The following RERG variants were observed in gnomAD, a reference collection of about 807,000 sequenced individuals.
The protein encoded by RERG is RAS like estrogen regulated growth inhibitor.
A neutral mutation model predicts 23.2 loss-of-function variants in RERG; 25 were observed. That is an observed-to-expected ratio of 1.08 (90% CI 0.79 to 1.50). RERG has a LOEUF of 1.50. RERG is among the 40% of genes most tolerant of loss of function. The pLI, the probability that RERG is intolerant of heterozygous loss-of-function variation, is 0.00. For synonymous variants in RERG, 81 were observed against 89.1 expected (o/e 0.91, Z 0.51); for missense variants, 253 against 250.1 (o/e 1.01, Z -0.08).
At chr12:15,201,020 T>G (rs1384860907) in intron 2 of RERG, among the ~76,000 whole-genome samples, 3 of 151,892 alleles carry the variant, frequency 2.0e-5, no homozygotes, top group Non-Finnish European at 4.4e-5. Flanking sequence ...CATGAAATCA[T>G]AGGCAGAATT....
chr12:15,132,228 A>C (rs1038198838), intron 2 of RERG, among the ~76,000 whole-genome samples: 1 of 152,232 alleles, frequency 6.6e-6, no homozygotes, highest in Non-Finnish European at 1.5e-5. Context: ...GAAAGAAAGT[A>C]GCACTGAAAG....
chr12:15,189,983 T>C (rs893536311), intron 2 of RERG, among the ~76,000 whole-genome samples: 4 of 152,188 alleles, frequency 2.6e-5, no homozygotes, highest in African/African-American at 9.7e-5. Context: ...TTCTAGGTAG[T>C]AGTTTACAAT....
chr12:15,116,394 G>A (rs1206100477), intron 3 of RERG, among the ~76,000 whole-genome samples: 1 of 152,144 alleles, frequency 6.6e-6, no homozygotes, highest in African/African-American at 2.4e-5. Flanking sequence ...ATTTTTCTGT[G>A]TTGCTTCCAT....
chr12:15,188,848 T>C (rs1311843874), intron 2 of RERG, among the ~76,000 whole-genome samples: 2 of 152,142 alleles, frequency 1.3e-5, no homozygotes, highest in African/African-American at 2.4e-5. Flanking sequence ...TGGCTTTCTG[T>C]TCTCTATGGG....
intron 2 of RERG, among the ~76,000 whole-genome samples, chr12:15,185,047 T>G (rs1470017228): frequency 2.0e-5 from 3 of 152,200 alleles, no homozygotes; most frequent in Non-Finnish European, 2.9e-5. Flanking sequence ...TTCATTCCTA[T>G]GCAGGCAAGA....
At chr12:15,147,448 A>G (rs1864353958) in intron 2 of RERG, among the ~76,000 whole-genome samples, 2 of 152,266 alleles carry the variant, frequency 1.3e-5, no homozygotes, top group Non-Finnish European at 2.9e-5. Context: ...AAAGATAGAG[A>G]AAAACTGGAA....
At position 15,116,920 on chromosome 12, in the gene RERG, G is replaced by A. The variant is rs149526790; in HGVS notation, c.118+4143C>T. ...AGGGTGGGGGGATGATTATTTAGGA[G>A]ATAGTTCCAAGTGAACCAAAATATA... On this transcript the variant is annotated intron_variant, in intron 3 of 4. Coordinates refer to ENST00000256953, the MANE Select transcript of RERG (RefSeq NM_032918.3). Among the ~76,000 whole-genome samples the A allele has an allele frequency of 8.9e-3, 1,361 of 152,188 alleles. 20 individuals are homozygous for A. Among genetic ancestry groups the A allele is most frequent in the African/African-American group, 0.032 (1,319 of 41,532 alleles).
At chr12:15,122,096 T>C (rs1488706350) in intron 2 of RERG, among the ~76,000 whole-genome samples, 1 of 152,036 alleles carries the variant, frequency 6.6e-6, no homozygotes, top group Non-Finnish European at 1.5e-5. Flanking sequence ...TGGATCCTTT[T>C]CCTGAAAAAA....
intron 2 of RERG, among the ~76,000 whole-genome samples, chr12:15,126,127 C>CTATATATATATATATA (rs1175601997): frequency 5.8e-5 from 2 of 34,552 alleles, no homozygotes; most frequent in African/African-American, 1.2e-4. Context: ...GTTGTATATA[C>CTATATATATATATATA]CATATATATA....
At chr12:15,203,190 C>T (rs983896525) in intron 2 of RERG, among the ~76,000 whole-genome samples, 1 of 151,622 alleles carries the variant, frequency 6.6e-6, no homozygotes, top group Admixed American at 6.6e-5. Flanking sequence ...TTTTGCTGAG[C>T]TGTAGGAGTG....
At chr12:15,146,330 G>A (rs1488845337) in intron 2 of RERG, among the ~76,000 whole-genome samples, 1 of 152,098 alleles carries the variant, frequency 6.6e-6, no homozygotes, top group Non-Finnish European at 1.5e-5. Context: ...ACTGTATTAT[G>A]TTATTTTATA....
rs749923403 is a variant in RERG at position 15,109,410 on chromosome 12, G to A, written c.300C>T (p.Asn100=). 7.4e-6 allele frequency: 12 copies of A among 1,613,964 alleles called. No homozygotes were observed. Among genetic ancestry groups the A allele is most frequent in the Non-Finnish European group, 9.3e-6 (11 of 1,179,954 alleles). Residue 100 remains asparagine (N), a synonymous_variant, in exon 5 of 5, where the codon AAC becomes AAT. Coordinates refer to ENST00000256953, the MANE Select transcript of RERG (RefSeq NM_032918.3). ...TGGGCTTTTTGATCTCATCTAGGAT[G>A]TTCTTAAGTGGCAGCACTTCCTCAA... The part of the protein sequence containing the change: ...GSFEEVLPLK[N]ILDEIKKPKN...
chr12:15,185,883 T>C (rs979699110), intron 2 of RERG, among the ~76,000 whole-genome samples: 2 of 151,184 alleles, frequency 1.3e-5, no homozygotes, highest in African/African-American at 4.9e-5. Context: ...CTAATAAGAC[T>C]GATTAGAAAA....
intron 2 of RERG, among the ~76,000 whole-genome samples, chr12:15,139,794 G>T (rs117121967): frequency 6.6e-6 from 1 of 151,944 alleles, no homozygotes; most frequent in African/African-American, 2.4e-5. Flanking sequence ...CCCAATCTGC[G>T]TATCTTTATT....
At position 15,216,857 on chromosome 12, in the gene RERG, A is replaced by G. The variant is rs372397216; in HGVS notation, c.61+572T>C. ...AGTCTCTGAATTACTGATGTTAGCC[A>G]GAACTTGCTAATTTAAATTCACTGC... On this transcript the variant is annotated intron_variant, in intron 2 of 4. Transcript: ENST00000256953. Among the ~76,000 whole-genome samples the G allele has an allele frequency of 1.1e-3, 162 of 152,378 alleles. 3 individuals carry two copies. The South Asian group carries it at 0.032, about 30-fold the overall frequency.
At chr12:15,138,325 G>C (rs1255283201) in intron 2 of RERG, among the ~76,000 whole-genome samples, 1 of 151,780 alleles carries the variant, frequency 6.6e-6, no homozygotes, top group Non-Finnish European at 1.5e-5. Flanking sequence ...ACATACATTT[G>C]TACCACAGTT....
intron 2 of RERG, among the ~76,000 whole-genome samples, chr12:15,125,085 A>C (rs548538051): frequency 1.3e-5 from 2 of 152,124 alleles, no homozygotes; most frequent in South Asian, 4.1e-4. Context: ...ACCTTCACAA[A>C]AAAATACATA....
chr12:15,162,451 T>G (rs1864628862), intron 2 of RERG, among the ~76,000 whole-genome samples: 1 of 151,968 alleles, frequency 6.6e-6, no homozygotes, highest in African/African-American at 2.4e-5. Flanking sequence ...CCCATTAGAG[T>G]TTTCTCTCAT....
chr12:15,108,295 TAAAC>T lies in RERG; in HGVS notation c.*811_*814del, dbSNP rs749619374. On this transcript the variant is annotated 3_prime_UTR_variant, in exon 5 of 5. Transcript: ENST00000256953. The stretch of plus-strand genomic sequence containing the variant: ...GACTGTGGTTTTTCTGCTAAGGTGA[TAAAC>T]AAATCAGATGTCTCTAATTCTACAT... 1 of 152,230 alleles carries T rather than the reference TAAAC, an allele frequency of 6.6e-6. No homozygotes were observed. The highest frequency in any genetic ancestry group is 2.4e-5 in the African/African-American group (1 of 41,452). 9.4% of individuals were successfully genotyped at this position (152,230 alleles called of 1,614,324 possible).
Sources: gnomAD v4.1 joint callset for allele counts (sites outside exome capture counted in the v4.1 genomes callset) on GRCh38, gnomAD v4.1.1 for gene constraint, MANE v1.5 for transcripts, NCBI Gene and HGNC (gene_info 2026-07-23, HGNC 2026-07-21) for gene names.